NEURL4: variants seen among roughly 807,000 people sequenced by gnomAD.
The protein encoded by NEURL4 is neuralized-like protein 4.
A neutral mutation model predicts 148.0 loss-of-function variants in NEURL4; 45 were observed. That is an observed-to-expected ratio of 0.30 (90% CI 0.24 to 0.39). The LOEUF (loss-of-function observed/expected upper bound fraction) is 0.39, where lower values mean the gene tolerates loss of function less well. Ranked by LOEUF, NEURL4 falls within the 10% of genes least tolerant of loss-of-function variation. The probability of loss-of-function intolerance (pLI) is 1.00; values close to 1 mark genes in which losing one functional copy is unlikely to be tolerated. For synonymous variants in NEURL4, 854 were observed against 869.0 expected (o/e 0.98, Z 0.30); for missense variants, 1,776 against 2,144.0 (o/e 0.83, Z 3.39).
chr17:7,317,161 A>C (rs1262218055), intron 28 of NEURL4, 44 bp downstream of exon 28: 9 of 1,427,390 alleles, frequency 6.3e-6, no homozygotes, highest in African/African-American at 1.4e-5. Flanking sequence ...GGCCCTCTCC[A>C]TCCGAGCCCC....
chr17:7,323,549 G>A lies in NEURL4; in HGVS notation c.2353C>T (p.Arg785Trp), dbSNP rs2073059146. The A allele has an allele frequency of 1.2e-6, 2 of 1,614,182 alleles. No individual in the cohort carries two copies. The highest frequency in any genetic ancestry group is 1.7e-6 in the Non-Finnish European group (2 of 1,180,036). The change falls in exon 14 of 29, where the codon CGG (arginine) becomes TGG (tryptophan). Residue 785 changes from arginine to tryptophan, a missense_variant. Transcript: ENST00000399464. ...TTGGGGAATTCCAGGTCTTCAGGCC[G>A]AATAGCAGTCACTCCTGGGAGGAGG... ...GSIEAGVTAIRPEDLEFPNTM... is the reference protein window; with the variant it reads ...GSIEAGVTAIWPEDLEFPNTM...
Position 7,326,889 on chromosome 17 carries a change from C to T in NEURL4, c.914G>A (p.Gly305Asp), listed in dbSNP as rs759124242. 1 of 1,614,044 alleles carries T rather than the reference C, an allele frequency of 6.2e-7. No homozygotes were observed. Residue 305 changes from glycine (G) to aspartate (D), a missense_variant, in exon 4 of 29, where the codon GGT becomes GAT. Gly to Asp is a moderately conservative substitution (Grantham distance 94). Transcript: ENST00000399464. The surrounding 1 kb of genome is among the most constrained non-coding windows in gnomAD (Gnocchi z 6.0). Reference protein sequence around the residue: ...PPAGEGLGSSGAATSPILTSN... With the variant: ...PPAGEGLGSSDAATSPILTSN... ...AGTGAGAATGGGCGAGGTGGCAGCA[C>T]CGCTAGATCCCAGGCCTTCCCCTGC...
chr17:7,325,226 G>A lies in NEURL4; in HGVS notation c.1614C>T (p.Arg538=). The change falls in exon 8 of 29, where the codon CGC becomes CGT. Residue 538 remains arginine (R), a synonymous_variant. Transcript: ENST00000399464. ...GGCCATACTGGGGCCTCAGGGCAGT[G>A]CGTCCCTCGTGGGTGATGGCTGCCT... is the stretch of plus-strand genomic sequence containing the variant. The part of the protein sequence containing the change: ...GQKAAITHEG[R]TALRPHATDD... The A allele has an allele frequency of 6.2e-7, 1 of 1,600,284 alleles. No individual in the cohort carries two copies. The highest frequency in any genetic ancestry group is 1.4e-5 in the African/African-American group (1 of 72,924).
In NEURL4 at chr17:7,329,319, T is replaced by G. The variant is rs557586589; in HGVS notation, c.-7A>C. Reference sequence around the variant, plus strand: ...CACCCGACCCTGCCGCCATCTCCGCTGACACCGGGGCAGCGCGACAGCCGC... The same window carrying G: ...CACCCGACCCTGCCGCCATCTCCGCGGACACCGGGGCAGCGCGACAGCCGC... On this transcript the variant is annotated 5_prime_UTR_variant, in exon 1 of 29. Transcript: ENST00000399464. The G allele has an allele frequency of 5.1e-6, 7 of 1,375,822 alleles. No individual in the cohort carries two copies. The Admixed American group carries it at 1.8e-4, about 36-fold the overall frequency. 85.2% of individuals were successfully genotyped at this position (1,375,822 alleles called of 1,614,324 possible). A position where few individuals can be genotyped will look rare whatever the true frequency, so the allele number is the denominator to read the frequency against.
Position 7,320,780 on chromosome 17 carries a change from C to T in NEURL4, c.3504G>A (p.Leu1168=), listed in dbSNP as rs766607797. The part of the protein sequence containing the change: ...NQGIVVINQP[L]VPQLLVQVRI... Reference sequence around the variant, plus strand: ...CCACCTGCACCAGCAGCTGGGGCACCAGAGGTTGGTTGATGACAACGATGC... The same window carrying T: ...CCACCTGCACCAGCAGCTGGGGCACTAGAGGTTGGTTGATGACAACGATGC... The change falls in exon 21 of 29, where the codon CTG becomes CTA. Residue 1168 remains leucine, a synonymous_variant. Transcript: ENST00000399464. The T allele has an allele frequency of 1.2e-6, 2 of 1,613,770 alleles. No homozygotes were observed. Among genetic ancestry groups the T allele is most frequent in the Non-Finnish European group, 1.7e-6 (2 of 1,179,816 alleles).
In NEURL4 at chr17:7,324,200, T is replaced by C. The variant is rs1341142832; in HGVS notation, c.1970A>G (p.Gln657Arg). Residue 657 changes from glutamine to arginine, a missense_variant, in exon 11 of 29, where the codon CAG (glutamine) becomes CGG (arginine). Coordinates refer to ENST00000399464, the MANE Select transcript of NEURL4 (RefSeq NM_032442.3). The surrounding 1 kb of genome is among the most constrained non-coding windows in gnomAD (Gnocchi z 5.9). ...GGGCACGTTCCAGGCAGCAGGGCCC[T>C]GAGTCATCCCATTGACAAAGAAGTG... ...TLHFFVNGMT[Q>R]GPAAWNVPPG... 1.9e-6 allele frequency: 3 copies of C among 1,613,796 alleles called. No individual in the cohort carries two copies. The East Asian group carries it at 6.7e-5, about 36-fold the overall frequency.
At position 7,317,352 on chromosome 17, in the gene NEURL4, C is replaced by G; in HGVS notation, c.4337G>C (p.Ser1446Thr). Reference protein sequence around the residue: ...ELGAGTASILSCRPLKGEPGV... With the variant: ...ELGAGTASILTCRPLKGEPGV... ...AGGTTCTCCCTTCAAAGGACGGCAG[C>G]TCAGGATGGAGGCAGTACCTGGGAG... The change falls in exon 28 of 29, where the codon AGC (serine) becomes ACC (threonine). Residue 1446 changes from serine (S) to threonine (T), a missense_variant. Physicochemically the swap from Ser to Thr is moderately conservative, Grantham distance 58 (BLOSUM62 1). Transcript: ENST00000399464. 6.4e-7 allele frequency: 1 copy of G among 1,562,430 alleles called. No individual in the cohort carries two copies. The highest frequency in any genetic ancestry group is 8.7e-7 in the Non-Finnish European group (1 of 1,152,430).
In NEURL4 at chr17:7,323,934, C is replaced by A; in HGVS notation, c.2141G>T (p.Gly714Val). ...CAGCTGATGGAAGCGCAGGTCAGAG[C>A]CCCCGGCCCCTGAGGACGGAGAGCT... ...SPSSPSSGAG[G>V]SDLRFHQLHG... The change falls in exon 12 of 29, where the codon GGC becomes GTC. Residue 714 changes from glycine (G) to valine (V), a missense_variant. Gly to Val is a moderately radical substitution (Grantham distance 109). Coordinates refer to ENST00000399464, the MANE Select transcript of NEURL4 (RefSeq NM_032442.3). The A allele has an allele frequency of 1.9e-6, 3 of 1,612,958 alleles. No individual in the cohort carries two copies. Among genetic ancestry groups the A allele is most frequent in the Non-Finnish European group, 2.5e-6 (3 of 1,179,906 alleles).
In NEURL4 at chr17:7,316,152, G is replaced by A. The variant is rs776698423; in HGVS notation, c.4660C>T (p.Leu1554Phe). The change falls in exon 29 of 29, where the codon CTC (leucine) becomes TTC (phenylalanine). Residue 1554 changes from leucine (L) to phenylalanine (F), a missense_variant. Coordinates refer to ENST00000399464, the MANE Select transcript of NEURL4 (RefSeq NM_032442.3). ...WVTKEKGATL[L>F]CALLVRVE Reference sequence around the variant, plus strand: ...TCCACCCGTACCAGCAGGGCACAGAGGAGTGTGGCCCCCTTCTCCTTAGTG... The same window carrying A: ...TCCACCCGTACCAGCAGGGCACAGAAGAGTGTGGCCCCCTTCTCCTTAGTG... 3 of 1,576,176 alleles carry A rather than the reference G, an allele frequency of 1.9e-6. No homozygotes were observed. Among genetic ancestry groups the A allele is most frequent in the Non-Finnish European group, 2.6e-6 (3 of 1,145,442 alleles).
At chr17:7,323,337 G>T in intron 14 of NEURL4, 148 bp downstream of exon 14, 1 of 975,302 alleles carries the variant, frequency 1.0e-6, no homozygotes, top group Non-Finnish European at 1.6e-6. Flanking sequence ...GTGGGCCTGG[G>T]CAGGACTTCC....
intron 12 of NEURL4, 25 bp downstream of exon 12, chr17:7,323,789 G>C (rs758012196): frequency 6.2e-7 from 1 of 1,614,054 alleles, no homozygotes; most frequent in Non-Finnish European, 8.5e-7. Context: ...GAGGAAGGTG[G>C]GGACATGAAA....
intron 1 of NEURL4, among the ~76,000 whole-genome samples, chr17:7,328,103 C>T (rs2073126900): frequency 6.6e-6 from 1 of 152,222 alleles, no homozygotes; most frequent in Non-Finnish European, 1.5e-5. Context: ...CCACTCCTTT[C>T]CAAGCCAAGC....
chr17:7,326,132 T>C lies in NEURL4; in HGVS notation c.1293+123A>G. The C allele has an allele frequency of 1.1e-6, 1 of 889,816 alleles. No individual in the cohort carries two copies. Among genetic ancestry groups the C allele is most frequent in the Non-Finnish European group, 1.8e-6 (1 of 561,238 alleles). The allele number at this position is 889,816 out of a possible 1,614,324, so 55.1% of individuals were successfully genotyped here. A position where few individuals can be genotyped will look rare whatever the true frequency, so the allele number is the denominator to read the frequency against. Reference sequence around the variant, plus strand: ...ACTCAGGCTTCTAGGAAGGAACCTTTAGGTGGAAGATACAGGGACTGCCTC... The same window carrying C: ...ACTCAGGCTTCTAGGAAGGAACCTTCAGGTGGAAGATACAGGGACTGCCTC... On this transcript the variant is annotated intron_variant, in intron 6 of 28. Coordinates refer to ENST00000399464, the MANE Select transcript of NEURL4 (RefSeq NM_032442.3). The surrounding 1 kb of genome is among the most constrained non-coding windows in gnomAD (Gnocchi z 6.0).
chr17:7,324,568 C>T lies in NEURL4; in HGVS notation c.1814-88G>A, dbSNP rs1391172425. On this transcript the variant is annotated intron_variant, in intron 9 of 28. Transcript: ENST00000399464. The surrounding 1 kb of genome is among the most constrained non-coding windows in gnomAD (Gnocchi z 5.9). ...GCAGCGCCCACAGGACTCCCGAGCC[C>T]ACAGTCCACCTTGCCTTTTCTTTGA... The T allele has an allele frequency of 2.0e-5, 25 of 1,271,766 alleles. No homozygotes were observed. The East Asian group carries it at 5.4e-4, about 28-fold the overall frequency. The allele number at this position is 1,271,766 out of a possible 1,614,324, so 78.8% of individuals were successfully genotyped here. A position where few individuals can be genotyped will look rare whatever the true frequency, so the allele number is the denominator to read the frequency against.
In NEURL4 at chr17:7,316,201, G is replaced by C; in HGVS notation, c.4611C>G (p.Phe1537Leu). Reference protein sequence around the residue: ...AALGEPPDPHFSPAELEWVTK... With the variant: ...AALGEPPDPHLSPAELEWVTK... Reference sequence around the variant, plus strand: ...TGACCCACTCAAGTTCGGCTGGACTGAAGTGAGGGTCAGGAGGTTCTCCAA... The same window carrying C: ...TGACCCACTCAAGTTCGGCTGGACTCAAGTGAGGGTCAGGAGGTTCTCCAA... The change falls in exon 29 of 29, where the codon TTC becomes TTG. Residue 1537 changes from phenylalanine (F) to leucine (L), a missense_variant. Coordinates refer to ENST00000399464, the MANE Select transcript of NEURL4 (RefSeq NM_032442.3). 1 of 1,610,270 alleles carries C rather than the reference G, an allele frequency of 6.2e-7. No individual in the cohort carries two copies. The highest frequency in any genetic ancestry group is 2.2e-5 in the East Asian group (1 of 44,858).
rs2073077191 is a variant in NEURL4, at chr17:7,324,626, A to G, written c.1814-146T>C. ...ATTTCTTCCCTGAGCAGGACAAGAA[A>G]ACTCTGCAGCTTCCAAGACAGCCAC... On this transcript the variant is annotated intron_variant, in intron 9 of 28. Transcript: ENST00000399464. The surrounding 1 kb of genome is among the most constrained non-coding windows in gnomAD (Gnocchi z 5.9). The G allele has an allele frequency of 9.4e-6, 10 of 1,068,934 alleles. No homozygotes were observed. Among genetic ancestry groups the G allele is most frequent in the Non-Finnish European group, 1.4e-5 (10 of 727,874 alleles). The allele number at this position is 1,068,934 out of a possible 1,614,324, so 66.2% of individuals were successfully genotyped here. A position where few individuals can be genotyped will look rare whatever the true frequency, so the allele number is the denominator to read the frequency against.
At position 7,325,415 on chromosome 17, in the gene NEURL4, C is replaced by T. The variant is rs1021407916; in HGVS notation, c.1425G>A (p.Met475Ile). Reference protein sequence around the residue: ...VVYGVVDLYGMAVKVTIVHNN... With the variant: ...VVYGVVDLYGIAVKVTIVHNN... ...TGTGGACGATGGTCACCTTCACTGC[C>T]ATCCCGTACAAGTCCACCACACCAT... Residue 475 changes from methionine to isoleucine, a missense_variant, in exon 8 of 29, where the codon ATG (methionine) becomes ATA (isoleucine). Physicochemically the swap from Met to Ile is conservative, Grantham distance 10 (BLOSUM62 1). Transcript: ENST00000399464. 1 of 1,613,000 alleles carries T rather than the reference C, an allele frequency of 6.2e-7. No homozygotes were observed. The highest frequency in any genetic ancestry group is 8.5e-7 in the Non-Finnish European group (1 of 1,179,998).
Position 7,318,453 on chromosome 17 carries a change from G to A in NEURL4, c.3864+42C>T. On this transcript the variant is annotated intron_variant, in intron 23 of 28. Coordinates refer to ENST00000399464, the MANE Select transcript of NEURL4 (RefSeq NM_032442.3). The surrounding 1 kb of genome is among the most constrained non-coding windows in gnomAD (Gnocchi z 4.3). ...GATTTCCCCTGTCCTGGACAGCGCA[G>A]ACTCTCAGGCACCCCTCCTCCCTGC... 1 of 1,604,664 alleles carries A rather than the reference G, an allele frequency of 6.2e-7. No individual in the cohort carries two copies. Among genetic ancestry groups the A allele is most frequent in the Non-Finnish European group, 8.5e-7 (1 of 1,173,890 alleles).
chr17:7,319,137 C>G lies in NEURL4; in HGVS notation c.3597G>C (p.Glu1199Asp). The change falls in exon 22 of 29, where the codon GAG becomes GAC. Residue 1199 changes from glutamate (E) to aspartate (D), a missense_variant. Glu to Asp is a conservative substitution (Grantham distance 45). Coordinates refer to ENST00000399464, the MANE Select transcript of NEURL4 (RefSeq NM_032442.3). ...AGGCAGAAGCAGGGAAGTTGAGCCT[C>G]TCAGGCGCGCAGGTGATGACTCCCA... ...LVLGVITCAP[E>D]RLNFPASACA... 1.9e-6 allele frequency: 3 copies of G among 1,614,130 alleles called. No individual in the cohort carries two copies. The highest frequency in any genetic ancestry group is 2.5e-6 in the Non-Finnish European group (3 of 1,180,014).
Sources: gnomAD v4.1 joint callset for allele counts (sites outside exome capture counted in the v4.1 genomes callset) on GRCh38, gnomAD v4.1.1 for gene constraint, Gnocchi (gnomAD v3.1) non-coding constraint, MANE v1.5 for transcripts, NCBI Gene and HGNC (gene_info 2026-07-23, HGNC 2026-07-21) for gene names.